The following IMMP2L variants were observed in gnomAD, a reference collection of about 807,000 sequenced individuals.
IMMP2L encodes the protein inner mitochondrial membrane peptidase subunit 2.
Under a neutral mutation model 19.3 loss-of-function variants are expected in IMMP2L, and 18 were observed. That is an observed-to-expected ratio of 0.93 (90% CI 0.64 to 1.38). The LOEUF (loss-of-function observed/expected upper bound fraction) is 1.38. Among genes scored for constraint, IMMP2L ranks in the 40% most tolerant of loss-of-function variants. The pLI is 0.00. For missense variants in IMMP2L, 233 were observed against 218.2 expected (o/e 1.07, Z -0.43); for synonymous variants, 76 against 73.0 (o/e 1.04, Z -0.21).
At chr7:111,472,096 A>G (rs77091875) in intron 3 of IMMP2L, among the ~76,000 whole-genome samples, 7,109 of 152,250 alleles carry the variant, frequency 0.047, 263 homozygotes, top group South Asian at 0.083. Flanking sequence ...CCATAAGAGT[A>G]TCCTTTGTTC....
chr7:111,235,695 G>T (rs1814226047), intron 3 of IMMP2L, among the ~76,000 whole-genome samples: 1 of 151,228 alleles, frequency 6.6e-6, no homozygotes, highest in Non-Finnish European at 1.5e-5. Context: ...CTTGTGCTTG[G>T]GGTTTTTTTA....
At chr7:111,448,429 GA>G (rs1247505489) in intron 3 of IMMP2L, among the ~76,000 whole-genome samples, 1 of 151,380 alleles carries the variant, frequency 6.6e-6, no homozygotes, top group African/African-American at 2.4e-5. Flanking sequence ...CAACTACATG[GA>G]AACTGAACAA....
intron 4 of IMMP2L, among the ~76,000 whole-genome samples, chr7:110,910,280 T>G (rs985334929): frequency 5.3e-5 from 8 of 152,254 alleles, no homozygotes; most frequent in African/African-American, 1.9e-4. Context: ...AAAACTAAGG[T>G]GAGAAGTTTC....
At chr7:111,371,512 C>T (rs1205414675) in intron 3 of IMMP2L, among the ~76,000 whole-genome samples, 1 of 151,910 alleles carries the variant, frequency 6.6e-6, no homozygotes, top group African/African-American at 2.4e-5. Flanking sequence ...TAGCATATGC[C>T]TAAGGCATCC....
Position 111,425,564 on chromosome 7 carries a change from TAGATA to T in IMMP2L, c.239+61669_239+61673del, listed in dbSNP as rs953718884. On this transcript the variant is annotated intron_variant, in intron 3 of 5. Coordinates refer to ENST00000405709, the MANE Select transcript of IMMP2L (RefSeq NM_032549.4). ...ATGAATAGAGGGATTAAAATATAGA[TAGATA>T]AGATAACAGAAAAGTGATAAGATAT... Among the ~76,000 whole-genome samples, 15 of 151,022 alleles carry T rather than the reference TAGATA, an allele frequency of 9.9e-5. 1 individual carries two copies. Among genetic ancestry groups the T allele is most frequent in the African/African-American group, 3.2e-4 (13 of 41,016 alleles).
chr7:111,057,124 C>T (rs1284636461), intron 3 of IMMP2L, among the ~76,000 whole-genome samples: 4 of 152,120 alleles, frequency 2.6e-5, no homozygotes, highest in Non-Finnish European at 5.9e-5. Flanking sequence ...TTGGTTGCCA[C>T]CGATAATAAC....
chr7:111,395,938 T>A (rs945891441), intron 3 of IMMP2L, among the ~76,000 whole-genome samples: 1 of 152,122 alleles, frequency 6.6e-6, no homozygotes, highest in Non-Finnish European at 1.5e-5. Flanking sequence ...TGAGATGCCA[T>A]CTCATGCCAG....
At chr7:111,328,923 C>A (rs1297368350) in intron 3 of IMMP2L, among the ~76,000 whole-genome samples, 1 of 151,310 alleles carries the variant, frequency 6.6e-6, no homozygotes, top group Non-Finnish European at 1.5e-5. Context: ...ACATTGGGAC[C>A]CTAACCATTA....
intron 4 of IMMP2L, among the ~76,000 whole-genome samples, chr7:110,904,011 T>C (rs760436307): frequency 1.3e-5 from 2 of 152,116 alleles, no homozygotes; most frequent in African/African-American, 2.4e-5. Context: ...CGGTTTGCCA[T>C]GTGTATGTCT....
At chr7:110,712,949 A>C (rs1178844897) in intron 5 of IMMP2L, among the ~76,000 whole-genome samples, 1 of 150,300 alleles carries the variant, frequency 6.7e-6, no homozygotes, top group Non-Finnish European at 1.5e-5. Flanking sequence ...CTCAGATGGA[A>C]ATGCAGAAAT....
intron 3 of IMMP2L, among the ~76,000 whole-genome samples, chr7:111,375,615 T>C (rs1830615113): frequency 6.6e-6 from 1 of 151,894 alleles, no homozygotes; most frequent in East Asian, 1.9e-4. Context: ...AACCTCCACT[T>C]CCCGGGTCAA....
intron 5 of IMMP2L, among the ~76,000 whole-genome samples, chr7:110,665,745 A>T (rs966617643): frequency 3.3e-5 from 5 of 152,170 alleles, no homozygotes; most frequent in African/African-American, 1.2e-4. Context: ...GCCAAGTTTG[A>T]TCACTTAAGG....
intron 3 of IMMP2L, among the ~76,000 whole-genome samples, chr7:111,038,823 A>C (rs538221893): frequency 5.5e-4 from 84 of 152,334 alleles, no homozygotes; most frequent in African/African-American, 1.9e-3. Context: ...TTATTAGTAG[A>C]AAACAGATTT....
chr7:111,518,992 G>A (rs1192988836), intron 2 of IMMP2L, among the ~76,000 whole-genome samples: 1 of 152,166 alleles, frequency 6.6e-6, no homozygotes, highest in Non-Finnish European at 1.5e-5. Context: ...GGCTTGGGGT[G>A]TGTACTTGTT....
chr7:110,817,211 C>A (rs1473822874), intron 5 of IMMP2L, among the ~76,000 whole-genome samples: 1 of 152,044 alleles, frequency 6.6e-6, no homozygotes, highest in Non-Finnish European at 1.5e-5. Flanking sequence ...ATCCAGAAAA[C>A]CCCATTGTCT....
chr7:111,210,282 T>C (rs998519577), intron 3 of IMMP2L, among the ~76,000 whole-genome samples: 3 of 152,320 alleles, frequency 2.0e-5, no homozygotes, highest in East Asian at 3.9e-4. Context: ...AGAAAGTTCA[T>C]CTTTTTTAAA....
At chr7:110,882,349 CTCT>C (rs1391503120) in intron 5 of IMMP2L, among the ~76,000 whole-genome samples, 209 of 143,396 alleles carry the variant, frequency 1.5e-3, no homozygotes, top group African/African-American at 5.8e-3. Context: ...TCCCTCCTTC[CTCT>C]CTCCCTCTCT....
intron 3 of IMMP2L, among the ~76,000 whole-genome samples, chr7:111,243,626 A>G (rs1386719040): frequency 8.1e-4 from 97 of 119,350 alleles, no homozygotes; most frequent in African/African-American, 3.0e-3. Flanking sequence ...CTAATGTGTC[A>G]TCTAGCATTA....
At chr7:110,831,140 T>C (rs1304950815) in intron 5 of IMMP2L, among the ~76,000 whole-genome samples, 5 of 152,070 alleles carry the variant, frequency 3.3e-5, no homozygotes, top group Admixed American at 3.3e-4. Flanking sequence ...CGTTCTCAGT[T>C]TCTAGAGGCC....
Sources: allele counts gnomAD v4.1 joint callset (sites outside exome capture counted in the v4.1 genomes callset), GRCh38; gene constraint gnomAD v4.1.1; transcripts MANE v1.5; gene names NCBI Gene and HGNC (gene_info 2026-07-23, HGNC 2026-07-21).